LRMDA: variants seen among roughly 807,000 people sequenced by gnomAD.
LRMDA encodes the protein leucine-rich melanocyte differentiation-associated protein.
A neutral mutation model predicts 29.8 loss-of-function variants in LRMDA; 18 were observed. The observed-to-expected ratio is 0.60, with a 90% CI of 0.42 to 0.90. The LOEUF (loss-of-function observed/expected upper bound fraction) is 0.90, where lower values mean the gene tolerates loss of function less well. LRMDA is among the 40% of genes least tolerant of loss of function. The pLI is 0.00. For synonymous variants in LRMDA, 125 were observed against 109.4 expected (o/e 1.14, Z -0.89); for missense variants, 273 against 273.9 (o/e 1.00, Z 0.02).
intron 2 of LRMDA, among the ~76,000 whole-genome samples, chr10:75,742,043 C>T (rs1400890672): frequency 5.3e-5 from 8 of 152,226 alleles, no homozygotes; most frequent in African/African-American, 1.4e-4. Flanking sequence ...CTAAGAACTT[C>T]CATCCTGCAG....
At chr10:75,486,647 G>A (rs148202379) in intron 2 of LRMDA, among the ~76,000 whole-genome samples, 12 of 152,120 alleles carry the variant, frequency 7.9e-5, no homozygotes, top group African/African-American at 2.7e-4. Flanking sequence ...TTCTGGTCTG[G>A]GGGGGGCAAC....
At chr10:76,527,925 A>C (rs1215994183) in intron 6 of LRMDA, among the ~76,000 whole-genome samples, 1 of 152,190 alleles carries the variant, frequency 6.6e-6, no homozygotes, top group Non-Finnish European at 1.5e-5. Flanking sequence ...ACAAAAATGC[A>C]TAAAACACAG....
intron 2 of LRMDA, among the ~76,000 whole-genome samples, chr10:75,875,006 G>A (rs1453244209): frequency 6.6e-6 from 1 of 152,198 alleles, no homozygotes; most frequent in Non-Finnish European, 1.5e-5. Context: ...TTCAGTCTCA[G>A]GGCCACATCG....
chr10:76,127,359 C>T (rs570150997), intron 5 of LRMDA, among the ~76,000 whole-genome samples: 2 of 152,322 alleles, frequency 1.3e-5, no homozygotes, highest in African/African-American at 4.8e-5. Context: ...TTGGCGTATT[C>T]ACCCACGCCA....
At chr10:75,808,880 A>T (rs1589213830) in intron 2 of LRMDA, among the ~76,000 whole-genome samples, 1 of 152,276 alleles carries the variant, frequency 6.6e-6, no homozygotes, top group East Asian at 1.9e-4. Context: ...GGTCATCTCC[A>T]CAATTATGGT....
intron 6 of LRMDA, among the ~76,000 whole-genome samples, chr10:76,446,487 T>C (rs1185449288): frequency 6.6e-6 from 1 of 152,220 alleles, no homozygotes; most frequent in African/African-American, 2.4e-5. Flanking sequence ...TCTACAGATA[T>C]CTTCTATGTC....
intron 6 of LRMDA, among the ~76,000 whole-genome samples, chr10:76,524,300 G>T (rs2132365470): frequency 6.6e-6 from 1 of 152,298 alleles, no homozygotes; most frequent in South Asian, 2.1e-4. Flanking sequence ...AATGTTAAGG[G>T]AGAAAAAAAG....
chr10:76,095,304 T>A (rs892006276), intron 5 of LRMDA, among the ~76,000 whole-genome samples: 2 of 152,236 alleles, frequency 1.3e-5, no homozygotes, highest in Non-Finnish European at 2.9e-5. Context: ...TTGCAATGTA[T>A]CAGTAGTTCA....
At chr10:76,399,926 G>T (rs892709227) in intron 6 of LRMDA, among the ~76,000 whole-genome samples, 6 of 152,150 alleles carry the variant, frequency 3.9e-5, no homozygotes, top group African/African-American at 1.4e-4. Flanking sequence ...TGTGGCAGCA[G>T]CTTCTAAGAT....
chr10:75,942,019 T>C (rs1240071157), intron 2 of LRMDA, among the ~76,000 whole-genome samples: 1 of 152,176 alleles, frequency 6.6e-6, no homozygotes, highest in Admixed American at 6.5e-5. Context: ...GGATTTGTAA[T>C]CACAGCGTGT....
At chr10:76,400,418 T>A (rs1044695645) in intron 6 of LRMDA, among the ~76,000 whole-genome samples, 4 of 152,220 alleles carry the variant, frequency 2.6e-5, no homozygotes, top group African/African-American at 9.6e-5. Context: ...TGTATTATTT[T>A]AAGCTGTTAG....
chr10:75,992,952 G>A (rs1589280050), intron 2 of LRMDA, among the ~76,000 whole-genome samples: 2 of 151,184 alleles, frequency 1.3e-5, no homozygotes, highest in African/African-American at 4.8e-5. Flanking sequence ...TAACATTTAG[G>A]TTAACTGTCA....
At position 75,758,384 on chromosome 10, in the gene LRMDA, C is replaced by T. The variant is rs554770567; in HGVS notation, c.132-277624C>T. 2.0e-5 allele frequency among the ~76,000 whole-genome samples: 3 copies of T among 152,346 alleles called. No homozygotes were observed. The South Asian group carries it at 6.2e-4, about 32-fold the overall frequency. ...CATGAAATTCCTTCCCTGTGGGATC[C>T]CTTCTCCATCAAGATCTGGTCTGTT... On this transcript the variant is annotated intron_variant, in intron 2 of 6. Transcript: ENST00000611255.
intron 2 of LRMDA, among the ~76,000 whole-genome samples, chr10:75,895,925 G>T (rs1845573505): frequency 6.6e-6 from 1 of 152,182 alleles, no homozygotes; most frequent in South Asian, 2.1e-4. Flanking sequence ...AGACAGATGT[G>T]GTTGTGGGTT....
rs33976322 is a variant in LRMDA at position 76,237,785 on chromosome 10, C to CTTTTTT, written c.517-86597_517-86592dup. Among the ~76,000 whole-genome samples, 9 of 84,116 alleles carry CTTTTTT rather than the reference C, an allele frequency of 1.1e-4. 1 individual carries two copies. Among genetic ancestry groups the CTTTTTT allele is most frequent in the East Asian group, 8.7e-4 (2 of 2,300 alleles). The allele number at this position is 84,116 out of a possible 152,430, so 55.2% of individuals were successfully genotyped here. On this transcript the variant is annotated intron_variant, in intron 5 of 6. Coordinates refer to ENST00000611255, the MANE Select transcript of LRMDA (RefSeq NM_001305581.2). ...CTTTCTATTTAAAGGGACAAGAGTG[C>CTTTTTT]TTTTTTTTTTTTTTTTTTTTTTTTA...
intron 2 of LRMDA, among the ~76,000 whole-genome samples, chr10:75,521,536 T>A (rs1025965965): frequency 1.3e-5 from 2 of 152,330 alleles, no homozygotes; most frequent in Non-Finnish European, 2.9e-5. Flanking sequence ...GAGAATCTCC[T>A]GGTATCCCGG....
At chr10:76,363,520 A>C (rs1841355060) in intron 6 of LRMDA, among the ~76,000 whole-genome samples, 1 of 152,100 alleles carries the variant, frequency 6.6e-6, no homozygotes, top group Non-Finnish European at 1.5e-5. Flanking sequence ...CCTTAAACTT[A>C]AGACAGCCAC....
intron 2 of LRMDA, among the ~76,000 whole-genome samples, chr10:75,899,068 G>C (rs1211093770): frequency 6.6e-6 from 1 of 152,208 alleles, no homozygotes; most frequent in Non-Finnish European, 1.5e-5. Flanking sequence ...CCCTTCTGCA[G>C]CCTGGGCATT....
intron 2 of LRMDA, among the ~76,000 whole-genome samples, chr10:75,604,453 A>G (rs748425813): frequency 3.3e-5 from 5 of 152,208 alleles, no homozygotes; most frequent in Admixed American, 6.5e-5. Context: ...GCCGTCTTCC[A>G]GTTATTCCTT....
Sources: allele counts gnomAD v4.1 joint callset (sites outside exome capture counted in the v4.1 genomes callset), GRCh38; gene constraint gnomAD v4.1.1; transcripts MANE v1.5; gene names NCBI Gene and HGNC (gene_info 2026-07-23, HGNC 2026-07-21).